MYO6: variants seen among roughly 807,000 people sequenced by gnomAD.
The protein encoded by MYO6 is unconventional myosin-VI.
A neutral mutation model predicts 178.7 loss-of-function variants in MYO6; 74 were observed. The ratio of observed to expected loss-of-function variants is 0.41; its 90% confidence interval spans 0.34 to 0.50. MYO6 has a LOEUF of 0.50. Ranked by LOEUF, MYO6 falls within the 20% of genes least tolerant of loss-of-function variation. MYO6 has a pLI of 0.09. For synonymous variants in MYO6, 477 were observed against 504.6 expected, an observed-to-expected ratio of 0.95 and a Z score of 0.73; for missense variants, 1,330 against 1,547.4, an observed-to-expected ratio of 0.86 and a Z score of 2.36.
intron 1 of MYO6, among the ~76,000 whole-genome samples, chr6:75,768,429 G>A (rs1029421634): frequency 5.3e-5 from 8 of 151,094 alleles, no homozygotes; most frequent in Admixed American, 2.0e-4. Context: ...CACCCAGGCT[G>A]GAGTGCAGTG....
Position 75,886,976 on chromosome 6 carries a change from T to C in MYO6, c.2640T>C (p.Thr880=). ...QIKNLEISID[T]LMAKIKSTMM... is the part of the protein sequence containing the mutation. ...AGAATCTGGAAATTTCTATTGATAC[T>C]TTGATGGCCAAAATTAAGGTATGTA... Residue 880 remains threonine (T), a synonymous_variant, in exon 25 of 35, where the codon ACT becomes ACC. Coordinates refer to ENST00000369977, the MANE Select transcript of MYO6 (RefSeq NM_004999.4). 1 of 1,613,672 alleles carries C rather than the reference T, an allele frequency of 6.2e-7. No individual in the cohort carries two copies. The highest frequency in any genetic ancestry group is 8.5e-7 in the Non-Finnish European group (1 of 1,179,736).
At chr6:75,797,220 G>A (rs1768947166) in intron 1 of MYO6, among the ~76,000 whole-genome samples, 1 of 152,138 alleles carries the variant, frequency 6.6e-6, no homozygotes, top group Non-Finnish European at 1.5e-5. Context: ...CTCCTGAGTA[G>A]CCGGGATTAC....
At chr6:75,823,857 G>T (rs1264313679) in intron 3 of MYO6, among the ~76,000 whole-genome samples, 7 of 152,204 alleles carry the variant, frequency 4.6e-5, no homozygotes, top group Admixed American at 4.6e-4. Flanking sequence ...GATTAGAGAT[G>T]ATATAAAGTG....
intron 7 of MYO6, among the ~76,000 whole-genome samples, chr6:75,837,363 C>T (rs1024121535): frequency 6.6e-6 from 1 of 152,046 alleles, no homozygotes; most frequent in Non-Finnish European, 1.5e-5. Context: ...AACTACATGC[C>T]GTAGTAAATG....
chr6:75,808,764 G>T (rs1160205946), intron 1 of MYO6, among the ~76,000 whole-genome samples: 1 of 152,210 alleles, frequency 6.6e-6, no homozygotes, highest in African/African-American at 2.4e-5. Context: ...ACCCAAGGTG[G>T]TCAGGGCACA....
intron 1 of MYO6, among the ~76,000 whole-genome samples, chr6:75,805,021 A>ATATATATATATTTTT (rs1252912172): frequency 1.6e-4 from 12 of 77,284 alleles, no homozygotes; most frequent in African/African-American, 1.0e-3. Flanking sequence ...ATATATATAT[A>ATATATATATATTTTT]TTTTTTTTTT....
At chr6:75,786,229 A>G (rs952801040) in intron 1 of MYO6, among the ~76,000 whole-genome samples, 5 of 152,076 alleles carry the variant, frequency 3.3e-5, no homozygotes, top group African/African-American at 1.2e-4. Context: ...CCCAGCCTAT[A>G]TATTTATATA....
chr6:75,767,458 A>G (rs1778527198), intron 1 of MYO6, among the ~76,000 whole-genome samples: 1 of 151,998 alleles, frequency 6.6e-6, no homozygotes, highest in African/African-American at 2.4e-5. Context: ...AGTGATGTAA[A>G]TGAGAAACTA....
chr6:75,838,772 C>T (rs541573066), intron 7 of MYO6, among the ~76,000 whole-genome samples: 5 of 151,896 alleles, frequency 3.3e-5, no homozygotes, highest in Admixed American at 3.3e-4. Context: ...AGTGATTCTC[C>T]TGCCTCAGGC....
chr6:75,901,504 C>G (rs1353204465), intron 30 of MYO6, among the ~76,000 whole-genome samples: 1 of 152,080 alleles, frequency 6.6e-6, no homozygotes, highest in Non-Finnish European at 1.5e-5. Flanking sequence ...TGGGAGTTCA[C>G]TCGTGATTTG....
intron 29 of MYO6, among the ~76,000 whole-genome samples, chr6:75,897,030 A>C (rs1219986053): frequency 6.6e-6 from 1 of 152,226 alleles, no homozygotes; most frequent in African/African-American, 2.4e-5. Context: ...AGGATAATGC[A>C]TCAGTAGAGA....
chr6:75,751,793 G>C (rs956111280), intron 1 of MYO6, among the ~76,000 whole-genome samples: 3 of 151,892 alleles, frequency 2.0e-5, no homozygotes, highest in African/African-American at 7.3e-5. Context: ...ACCATGTGAG[G>C]CTTGAACAAA....
At chr6:75,852,371 T>C (rs367908237) in intron 11 of MYO6, among the ~76,000 whole-genome samples, 1 of 152,176 alleles carries the variant, frequency 6.6e-6, no homozygotes, top group Admixed American at 6.5e-5. Context: ...CTAGTTAATA[T>C]ACCATACAGT....
intron 1 of MYO6, among the ~76,000 whole-genome samples, chr6:75,799,384 C>CT (rs1315328014): frequency 9.8e-5 from 12 of 122,756 alleles, no homozygotes; most frequent in Admixed American, 8.3e-4. Context: ...GAGCAAAACT[C>CT]TGTCTAAAAA....
chr6:75,779,188 T>C (rs1282418262), intron 1 of MYO6, among the ~76,000 whole-genome samples: 1 of 151,932 alleles, frequency 6.6e-6, no homozygotes, highest in East Asian at 1.9e-4. Context: ...CACATGCCAC[T>C]GTGCCTGGTG....
At chr6:75,910,996 TTAAAA>T (rs931745155) in intron 32 of MYO6, among the ~76,000 whole-genome samples, 1 of 152,118 alleles carries the variant, frequency 6.6e-6, no homozygotes, top group African/African-American at 2.4e-5. Context: ...TGGTAAACTC[TTAAAA>T]TAATGCATAA....
intron 18 of MYO6, among the ~76,000 whole-genome samples, chr6:75,870,073 C>T (rs763580899): frequency 4.5e-4 from 68 of 151,394 alleles, no homozygotes; most frequent in Admixed American, 8.6e-4. Context: ...TAGATCATGC[C>T]ACTGCACTCT....
intron 4 of MYO6, 92 bp from the exon 5 acceptor site, chr6:75,830,324 A>AT: frequency 8.0e-7 from 1 of 1,256,326 alleles, no homozygotes; most frequent in Non-Finnish European, 1.1e-6. Context: ...GATAATTGAA[A>AT]TTTTTTGTAT....
intron 1 of MYO6, among the ~76,000 whole-genome samples, chr6:75,788,373 A>G (rs540787842): frequency 1.3e-5 from 2 of 152,166 alleles, no homozygotes; most frequent in South Asian, 4.2e-4. Flanking sequence ...AAAATAAACA[A>G]AAAGTCATTC....
Sources: gnomAD v4.1 joint callset for allele counts (sites outside exome capture counted in the v4.1 genomes callset) on GRCh38, gnomAD v4.1.1 for gene constraint, MANE v1.5 for transcripts, NCBI Gene and HGNC (gene_info 2026-07-23, HGNC 2026-07-21) for gene names.